DNAJC6: variants seen among roughly 807,000 people sequenced by gnomAD.
The protein encoded by DNAJC6 is DnaJ heat shock protein family (Hsp40) member C6, also known as auxilin.
In DNAJC6, 34 loss-of-function variants were observed where a neutral mutation model predicts 110.0. The observed-to-expected ratio is 0.31, with a 90% CI of 0.24 to 0.41. The LOEUF (loss-of-function observed/expected upper bound fraction) is 0.41. Among genes scored for constraint, DNAJC6 ranks in the 10% least tolerant of loss-of-function variants. The pLI is 1.00. For missense variants in DNAJC6, 1,031 were observed against 1,207.8 expected, an observed-to-expected ratio of 0.85 and a Z score of 2.17; for synonymous variants, 406 against 437.2, an observed-to-expected ratio of 0.93 and a Z score of 0.89.
intron 5 of DNAJC6, among the ~76,000 whole-genome samples, chr1:65,383,538 C>T (rs938907300): frequency 6.6e-6 from 1 of 152,098 alleles, no homozygotes; most frequent in South Asian, 2.1e-4. Context: ...TCACATTGGC[C>T]AAGGGCAGAG....
At chr1:65,286,632 G>A (rs1654029109) in intron 1 of DNAJC6, among the ~76,000 whole-genome samples, 1 of 152,212 alleles carries the variant, frequency 6.6e-6, no homozygotes, top group African/African-American at 2.4e-5. Context: ...GACTACAACA[G>A]AAAAGATGGT....
intron 1 of DNAJC6, among the ~76,000 whole-genome samples, chr1:65,303,336 C>T (rs1208052524): frequency 6.6e-6 from 1 of 152,092 alleles, no homozygotes; most frequent in African/African-American, 2.4e-5. Context: ...GACTAATATA[C>T]GGTCAAATAA....
rs74082626 is a variant in DNAJC6, at chr1:65,379,812, A to C, written c.666+288A>C. ...GTAGAAACAGGAGTAGTGTGTGCAC[A>C]GCTAAAAATGCCATTGACTTTTGTG... is the stretch of plus-strand genomic sequence containing the variant. On this transcript the variant is annotated intron_variant, in intron 5 of 18. Transcript: ENST00000371069. 2.0e-3 allele frequency: 447 copies of C among 226,852 alleles called. 1 individual carries two copies. The highest frequency in any genetic ancestry group is 9.5e-3 in the African/African-American group (423 of 44,324). The allele number at this position is 226,852 out of a possible 1,614,324, so 14.1% of individuals were successfully genotyped here. A position where few individuals can be genotyped will look rare whatever the true frequency, so the allele number is the denominator to read the frequency against.
At chr1:65,309,962 A>C (rs2101359013) in intron 1 of DNAJC6, 24 bp downstream of exon 1, 9 of 1,386,756 alleles carry the variant, frequency 6.5e-6, no homozygotes, top group East Asian at 3.0e-5. Context: ...AGGGGAGTGC[A>C]GCGCTGAGCC....
rs1005514493 is a variant in DNAJC6 at position 65,318,521 on chromosome 1, C to T, written c.193+8583C>T. Among the ~76,000 whole-genome samples the T allele has an allele frequency of 3.9e-5, 6 of 152,172 alleles. No individual in the cohort carries two copies. The South Asian group carries it at 6.2e-4, about 16-fold the overall frequency. ...AAACACAGATTCCCTACTATGCAGC[C>T]GTAAAAAGGAATGAGATCATGACCT... On this transcript the variant is annotated intron_variant, in intron 1 of 18. Coordinates refer to ENST00000371069, the MANE Select transcript of DNAJC6 (RefSeq NM_001256864.2).
upstream of DNAJC6, among the ~76,000 whole-genome samples, chr1:65,306,888 C>T (rs547506548): frequency 4.5e-4 from 69 of 151,912 alleles, no homozygotes; most frequent in South Asian, 0.013. Context: ...GACTGCCAGG[C>T]GCTGAGCTTA....
intron 14 of DNAJC6, 133 bp downstream of exon 14, chr1:65,399,014 A>AT: frequency 1.2e-6 from 1 of 867,552 alleles, no homozygotes; most frequent in Non-Finnish European, 1.8e-6. Flanking sequence ...AAAGATTCAT[A>AT]TTCTAGAAGA....
At chr1:65,378,830 A>G (rs771460673) in intron 4 of DNAJC6, among the ~76,000 whole-genome samples, 14 of 152,230 alleles carry the variant, frequency 9.2e-5, no homozygotes, top group Non-Finnish European at 1.8e-4. Context: ...GAGCCAAGCA[A>G]TATTCCTATA....
At chr1:65,281,086 C>G (rs954384883) in intron 1 of DNAJC6, among the ~76,000 whole-genome samples, 1 of 152,046 alleles carries the variant, frequency 6.6e-6, no homozygotes, top group African/African-American at 2.4e-5. Context: ...CGCCATTACA[C>G]TGGCTAATTT....
chr1:65,368,585 C>T (rs956298498), intron 4 of DNAJC6, among the ~76,000 whole-genome samples: 1 of 145,072 alleles, frequency 6.9e-6, no homozygotes, highest in Admixed American at 6.9e-5. Flanking sequence ...CTTCTTCCTC[C>T]TCTTCTTCTT....
At chr1:65,346,422 G>C (rs1051569846) in intron 1 of DNAJC6, among the ~76,000 whole-genome samples, 14 of 152,024 alleles carry the variant, frequency 9.2e-5, no homozygotes, top group Non-Finnish European at 1.9e-4. Flanking sequence ...CAGTGTGAGA[G>C]AGTAAGAGAA....
chr1:65,396,656 C>T (rs1354691580), intron 13 of DNAJC6, among the ~76,000 whole-genome samples: 1 of 152,190 alleles, frequency 6.6e-6, no homozygotes, highest in African/African-American at 2.4e-5. Flanking sequence ...CTACATTCCC[C>T]TTTCTGTTGT....
chr1:65,268,421 G>T (rs932291735), intron 1 of DNAJC6, among the ~76,000 whole-genome samples: 19 of 152,188 alleles, frequency 1.2e-4, no homozygotes, highest in African/African-American at 4.3e-4. Flanking sequence ...TGGCAAACAT[G>T]ACAGCTAATT....
At chr1:65,295,390 A>T (rs1451698175) in intron 1 of DNAJC6, among the ~76,000 whole-genome samples, 1 of 152,142 alleles carries the variant, frequency 6.6e-6, no homozygotes, top group Non-Finnish European at 1.5e-5. Context: ...CTAGGGAAGG[A>T]TAGACTCAGA....
intron 3 of DNAJC6, 54 bp downstream of exon 3, chr1:65,365,988 C>T: frequency 1.2e-6 from 2 of 1,612,412 alleles, no homozygotes; most frequent in Admixed American, 3.3e-5. Context: ...CGTTGCTGCC[C>T]ATCGTTATAG....
intron 13 of DNAJC6, among the ~76,000 whole-genome samples, chr1:65,396,240 G>A (rs1178646014): frequency 1.3e-5 from 2 of 152,140 alleles, no homozygotes; most frequent in East Asian, 3.8e-4. Flanking sequence ...TCTCCTGATT[G>A]GATGTTGACT....
intron 1 of DNAJC6, among the ~76,000 whole-genome samples, chr1:65,292,917 G>A (rs182994597): frequency 2.6e-5 from 4 of 152,240 alleles, no homozygotes; most frequent in African/African-American, 9.6e-5. Context: ...TCACTCAAAC[G>A]TATGAGGCAT....
chr1:65,312,945 G>A (rs186063641), intron 1 of DNAJC6, among the ~76,000 whole-genome samples: 5 of 151,720 alleles, frequency 3.3e-5, no homozygotes, highest in African/African-American at 9.7e-5. Context: ...GATTACAGGC[G>A]TGCACCACCA....
chr1:65,295,967 A>G (rs74329714), intron 1 of DNAJC6, among the ~76,000 whole-genome samples: 135 of 152,344 alleles, frequency 8.9e-4, no homozygotes, highest in Non-Finnish European at 1.2e-3. Context: ...GGCGTTAGAA[A>G]AGCACTGCTA....
Sources: allele counts gnomAD v4.1 joint callset (sites outside exome capture counted in the v4.1 genomes callset), GRCh38; gene constraint gnomAD v4.1.1; transcripts MANE v1.5; gene names NCBI Gene and HGNC (gene_info 2026-07-23, HGNC 2026-07-21).